PEX14: variants seen among roughly 807,000 people sequenced by gnomAD.
PEX14 encodes peroxisomal biogenesis factor 14.
Under a neutral mutation model 49.5 loss-of-function variants are expected in PEX14, and 15 were observed. That is an observed-to-expected ratio of 0.30 (90% CI 0.20 to 0.47). PEX14 has a LOEUF of 0.47. Ranked by LOEUF, PEX14 falls within the 20% of genes least tolerant of loss-of-function variation. PEX14 has a pLI of 1.00. For missense variants in PEX14, 398 were observed against 494.8 expected (o/e 0.80, Z 1.86); for synonymous variants, 210 against 212.7 (o/e 0.99, Z 0.11).
intron 2 of PEX14, among the ~76,000 whole-genome samples, chr1:10,499,670 A>G (rs1239714551): frequency 6.6e-6 from 1 of 151,892 alleles, no homozygotes; most frequent in African/African-American, 2.4e-5. Context: ...GATGGTCTGG[A>G]TCTCCTGACC....
Position 10,630,301 on chromosome 1 carries a change from A to AGACGG in PEX14, c.*318_*319insGGACG. On this transcript the variant is annotated 3_prime_UTR_variant, in exon 9 of 9. Transcript: ENST00000356607. This position sits in a 1 kb window ranked among gnomAD's most constrained non-coding sequence, Gnocchi z 4.1. ...CCCTCCCCAGCCCCCTCTCCCGGAC[A>AGACGG]GACGCCTTGCCCAGGGTGTGTTTGC... The AGACGG allele has an allele frequency of 2.1e-6, 1 of 479,914 alleles. No individual in the cohort carries two copies. The allele number at this position is 479,914 out of a possible 1,614,324, so 29.7% of individuals were successfully genotyped here.
chr1:10,568,689 C>T (rs746957900), intron 3 of PEX14, among the ~76,000 whole-genome samples: 1 of 152,078 alleles, frequency 6.6e-6, no homozygotes, highest in Non-Finnish European at 1.5e-5. Context: ...TGCCCTCAGA[C>T]ATCATGAATT....
At chr1:10,569,170 A>C (rs1478176590) in intron 3 of PEX14, among the ~76,000 whole-genome samples, 1 of 152,214 alleles carries the variant, frequency 6.6e-6, no homozygotes, top group Non-Finnish European at 1.5e-5. Context: ...TGCTTTAGTA[A>C]AATCATGAAT....
rs563970811 is a variant in PEX14, at chr1:10,504,029, C to T, written c.84+8708C>T. On this transcript the variant is annotated intron_variant, in intron 2 of 8. Transcript: ENST00000356607. ...GATTACAGGTGTGAGCCACTGTGCC[C>T]GGCCCATTTTCCAGGATAATTGTAA... Among the ~76,000 whole-genome samples, 100 of 152,236 alleles carry T rather than the reference C, an allele frequency of 6.6e-4. 1 individual carries two copies. The South Asian group carries it at 0.018, about 27-fold the overall frequency.
intron 3 of PEX14, among the ~76,000 whole-genome samples, chr1:10,587,222 C>T (rs959590276): frequency 2.6e-5 from 4 of 151,972 alleles, no homozygotes; most frequent in East Asian, 3.9e-4. Context: ...TTTGGGAGGC[C>T]GAGGCAGATG....
chr1:10,568,477 G>A (rs1354194577), intron 3 of PEX14, among the ~76,000 whole-genome samples: 1 of 151,716 alleles, frequency 6.6e-6, no homozygotes, highest in Non-Finnish European at 1.5e-5. Flanking sequence ...ATTGTCTTTT[G>A]ATCTAATATG....
At chr1:10,586,801 A>G (rs903018986) in intron 3 of PEX14, among the ~76,000 whole-genome samples, 1 of 151,706 alleles carries the variant, frequency 6.6e-6, no homozygotes, top group Non-Finnish European at 1.5e-5. Flanking sequence ...CACCATGCCC[A>G]GCTAATTTTT....
chr1:10,588,912 C>A (rs895808879), intron 3 of PEX14, among the ~76,000 whole-genome samples: 6 of 151,984 alleles, frequency 3.9e-5, no homozygotes, highest in African/African-American at 1.5e-4. Flanking sequence ...CAAATCTATC[C>A]ATGAAATTGT....
intron 1 of PEX14, among the ~76,000 whole-genome samples, chr1:10,492,966 T>C (rs1004537684): frequency 6.6e-6 from 1 of 152,080 alleles, no homozygotes; most frequent in Non-Finnish European, 1.5e-5. Context: ...GACCTAGTCA[T>C]GGATGTCAGA....
chr1:10,537,920 C>G (rs1638885242), intron 3 of PEX14, among the ~76,000 whole-genome samples: 1 of 44,090 alleles, frequency 2.3e-5, no homozygotes, highest in African/African-American at 1.1e-4. Context: ...CTAATAATTA[C>G]TGTAGAGAGA....
intron 1 of PEX14, among the ~76,000 whole-genome samples, chr1:10,492,241 T>G (rs1641486383): frequency 6.6e-6 from 1 of 152,220 alleles, no homozygotes; most frequent in Non-Finnish European, 1.5e-5. Flanking sequence ...GATGAACTAA[T>G]TTTAAGAGCA....
chr1:10,576,705 T>C (rs1640124922), intron 3 of PEX14, among the ~76,000 whole-genome samples: 1 of 152,034 alleles, frequency 6.6e-6, no homozygotes, highest in Non-Finnish European at 1.5e-5. Flanking sequence ...ATCTATTCTG[T>C]TTTTATTGAC....
intron 2 of PEX14, among the ~76,000 whole-genome samples, chr1:10,522,116 C>T (rs1638318259): frequency 6.6e-6 from 1 of 152,204 alleles, no homozygotes; most frequent in Non-Finnish European, 1.5e-5. Flanking sequence ...CAGGTGTAGC[C>T]TTGGCTCTCC....
intron 2 of PEX14, among the ~76,000 whole-genome samples, chr1:10,496,724 C>T (rs1003392189): frequency 8.6e-5 from 13 of 151,682 alleles, no homozygotes; most frequent in African/African-American, 3.2e-4. Flanking sequence ...TGTTTCTGTG[C>T]CCTGCTCTTC....
intron 2 of PEX14, among the ~76,000 whole-genome samples, chr1:10,500,373 CAAAAAAAAAAAA>C (rs750781683): frequency 1.6e-4 from 7 of 43,676 alleles, no homozygotes; most frequent in Middle Eastern, 0.02. Flanking sequence ...GATTCTGTCT[CAAAAAAAAAAAA>C]AAAAAAAAAA....
At chr1:10,486,056 C>G (rs1053805419) in intron 1 of PEX14, among the ~76,000 whole-genome samples, 7 of 152,080 alleles carry the variant, frequency 4.6e-5, no homozygotes, top group African/African-American at 1.7e-4. Flanking sequence ...CCGTGCCCGG[C>G]CTCTAGTAGC....
At chr1:10,625,887 T>C (rs1378503900) in intron 7 of PEX14, among the ~76,000 whole-genome samples, 1 of 152,224 alleles carries the variant, frequency 6.6e-6, no homozygotes, top group African/African-American at 2.4e-5. Context: ...CTGGCTTTGC[T>C]GCCGCTGTCC....
intron 2 of PEX14, among the ~76,000 whole-genome samples, chr1:10,524,074 G>T (rs556353152): frequency 6.6e-6 from 1 of 152,230 alleles, no homozygotes; most frequent in East Asian, 1.9e-4. Context: ...GCGCTAATCA[G>T]ATTCCCACAG....
chr1:10,612,398 G>A (rs889859856), intron 4 of PEX14, among the ~76,000 whole-genome samples: 1 of 152,058 alleles, frequency 6.6e-6, no homozygotes, highest in Non-Finnish European at 1.5e-5. Context: ...GCCTCTCGGT[G>A]TCCTTCCTGC....
Sources: allele counts gnomAD v4.1 joint callset (sites outside exome capture counted in the v4.1 genomes callset), GRCh38; gene constraint gnomAD v4.1.1; non-coding constraint Gnocchi (gnomAD v3.1); transcripts MANE v1.5; gene names NCBI Gene and HGNC (gene_info 2026-07-23, HGNC 2026-07-21).